The following PTPRM variants were observed in gnomAD, a reference collection of about 807,000 sequenced individuals.
PTPRM encodes the protein receptor-type tyrosine-protein phosphatase mu.
Under a neutral mutation model 186.7 loss-of-function variants are expected in PTPRM, and 47 were observed. That is an observed-to-expected ratio of 0.25 (90% CI 0.20 to 0.32). The LOEUF (loss-of-function observed/expected upper bound fraction) is 0.32, where lower values mean the gene tolerates loss of function less well. PTPRM is among the 10% of genes least tolerant of loss of function. The pLI is 1.00. For synonymous variants in PTPRM, 668 were observed against 674.9 expected (o/e 0.99, Z 0.16); for missense variants, 1,494 against 1,865.0 (o/e 0.80, Z 3.66).
At chr18:7,583,760 T>G (rs541701681) in intron 1 of PTPRM, among the ~76,000 whole-genome samples, 1 of 152,360 alleles carries the variant, frequency 6.6e-6, no homozygotes, top group East Asian at 1.9e-4. Context: ...TTGTAATTTC[T>G]TGTGTTTTCC....
chr18:7,893,624 T>C (rs1288726564), intron 3 of PTPRM, among the ~76,000 whole-genome samples: 7 of 152,194 alleles, frequency 4.6e-5, no homozygotes, highest in Admixed American at 3.9e-4. Context: ...ACCCACTTGT[T>C]TGTTTAATTC....
intron 1 of PTPRM, among the ~76,000 whole-genome samples, chr18:7,723,881 CTT>C (rs1165748899): frequency 6.6e-6 from 1 of 152,204 alleles, no homozygotes; most frequent in Non-Finnish European, 1.5e-5. Context: ...AACTTGCACT[CTT>C]TTCCTTGTTA....
chr18:7,675,849 C>G (rs1271846093), intron 1 of PTPRM, among the ~76,000 whole-genome samples: 4 of 152,004 alleles, frequency 2.6e-5, no homozygotes, highest in Non-Finnish European at 5.9e-5. Context: ...GTCCTCCTGC[C>G]TCAGCCTCCT....
In PTPRM at chr18:7,692,760, A is replaced by G. The variant is rs1190241740; in HGVS notation, c.74-81389A>G. Among the ~76,000 whole-genome samples the G allele has an allele frequency of 6.6e-5, 10 of 152,162 alleles. 1 individual carries two copies. Among genetic ancestry groups the G allele is most frequent in the Admixed American group, 6.5e-4 (10 of 15,278 alleles). ...TCTAATGATAACAGCAACATGCCAT[A>G]CCTCGTGTCCACCACAATGTATGGA... On this transcript the variant is annotated intron_variant, in intron 1 of 32. Coordinates refer to ENST00000580170, the MANE Select transcript of PTPRM (RefSeq NM_001105244.2).
At chr18:8,344,451 TATATATATATA>T (rs2095494237) in intron 23 of PTPRM, among the ~76,000 whole-genome samples, 1 of 14,168 alleles carries the variant, frequency 7.1e-5, no homozygotes, top group Admixed American at 5.7e-4. Flanking sequence ...TGTGTGTGTA[TATATATATATA>T]TATATATATA....
chr18:8,250,133 C>CGGG (rs2094514308), intron 17 of PTPRM, among the ~76,000 whole-genome samples: 2 of 152,116 alleles, frequency 1.3e-5, no homozygotes, highest in Non-Finnish European at 2.9e-5. Context: ...TTCTCTGGCA[C>CGGG]CTTCAGCTCC....
At chr18:8,168,611 CTGTTTA>C (rs2093355892) in intron 14 of PTPRM, among the ~76,000 whole-genome samples, 1 of 152,056 alleles carries the variant, frequency 6.6e-6, no homozygotes, top group Non-Finnish European at 1.5e-5. Flanking sequence ...TTCTAAAGTT[CTGTTTA>C]TAAGTGGAAT....
chr18:8,015,431 A>C (rs2084798128), intron 7 of PTPRM, among the ~76,000 whole-genome samples: 1 of 152,224 alleles, frequency 6.6e-6, no homozygotes, highest in Non-Finnish European at 1.5e-5. Context: ...TTCTCATTTA[A>C]AGCTGTTTAT....
chr18:7,758,059 C>T (rs757971713), intron 1 of PTPRM, among the ~76,000 whole-genome samples: 1 of 152,192 alleles, frequency 6.6e-6, no homozygotes, highest in Non-Finnish European at 1.5e-5. Context: ...TCACTCCCAA[C>T]AATTCTGATT....
At chr18:7,928,602 C>A (rs147677865) in intron 5 of PTPRM, among the ~76,000 whole-genome samples, 109 of 152,198 alleles carry the variant, frequency 7.2e-4, no homozygotes, top group African/African-American at 2.5e-3. Flanking sequence ...CTCTAGAAAT[C>A]TTAATTATTT....
chr18:7,570,494 A>G (rs1011146542), intron 1 of PTPRM, among the ~76,000 whole-genome samples: 1 of 152,198 alleles, frequency 6.6e-6, no homozygotes, highest in South Asian at 2.1e-4. Flanking sequence ...CATTATTACT[A>G]TTTGTTGAAT....
intron 19 of PTPRM, among the ~76,000 whole-genome samples, chr18:8,280,689 T>G (rs2147736493): frequency 6.6e-6 from 1 of 152,308 alleles, no homozygotes; most frequent in South Asian, 2.1e-4. Context: ...CAGGTAGCCC[T>G]AACAGCCATC....
intron 14 of PTPRM, among the ~76,000 whole-genome samples, chr18:8,144,290 G>A (rs1253688607): frequency 2.6e-5 from 4 of 152,142 alleles, no homozygotes; most frequent in Non-Finnish European, 5.9e-5. Context: ...AATGCAGCGC[G>A]GGAGCAGCTC....
At chr18:8,028,842 A>G (rs2085748481) in intron 7 of PTPRM, among the ~76,000 whole-genome samples, 1 of 152,238 alleles carries the variant, frequency 6.6e-6, no homozygotes, top group Non-Finnish European at 1.5e-5. Context: ...GAATGTAGTC[A>G]TGACAGTGTC....
chr18:8,341,855 G>A (rs1360480850), intron 22 of PTPRM, among the ~76,000 whole-genome samples: 3 of 152,196 alleles, frequency 2.0e-5, no homozygotes, highest in African/African-American at 7.2e-5. Flanking sequence ...TGTCCCCTCT[G>A]TAACCTTAGA....
rs578029896 is a variant in PTPRM at position 8,085,948 on chromosome 18, G to A, written c.1753+76G>A. On this transcript the variant is annotated intron_variant, in intron 10 of 32. Coordinates refer to ENST00000580170, the MANE Select transcript of PTPRM (RefSeq NM_001105244.2). The stretch of plus-strand genomic sequence containing the variant: ...CGTTTTCATTCCCATTGTCAAGTAT[G>A]CCAAGCTCGCCCACACTAACATTGT... 315 of 1,379,166 alleles carry A rather than the reference G, an allele frequency of 2.3e-4. 1 individual carries two copies. The highest frequency in any genetic ancestry group is 3.0e-4 in the Non-Finnish European group (292 of 970,870). 85.4% of individuals were successfully genotyped at this position (1,379,166 alleles called of 1,614,324 possible).
chr18:7,847,988 G>A (rs1002648768), intron 2 of PTPRM, among the ~76,000 whole-genome samples: 1 of 152,170 alleles, frequency 6.6e-6, no homozygotes, highest in African/African-American at 2.4e-5. Context: ...GGAGAAATGG[G>A]CAAAGCAAAA....
At chr18:8,230,085 G>A (rs1375371208) in intron 14 of PTPRM, among the ~76,000 whole-genome samples, 1 of 152,134 alleles carries the variant, frequency 6.6e-6, no homozygotes, top group Non-Finnish European at 1.5e-5. Flanking sequence ...CCTTCTGTCT[G>A]GTTTCTTTTT....
At chr18:8,360,975 T>C (rs2095594034) in intron 23 of PTPRM, 1 of 152,206 alleles carries the variant, frequency 6.6e-6, no homozygotes, top group Admixed American at 6.5e-5. Context: ...TGGCATCATA[T>C]ACTTCACATC....
Sources: gnomAD v4.1 joint callset for allele counts (sites outside exome capture counted in the v4.1 genomes callset) on GRCh38, gnomAD v4.1.1 for gene constraint, MANE v1.5 for transcripts, NCBI Gene and HGNC (gene_info 2026-07-23, HGNC 2026-07-21) for gene names.